SCN11A: variants seen among roughly 807,000 people sequenced by gnomAD.
The protein encoded by SCN11A is sodium channel protein type 11 subunit alpha.
In SCN11A, 122 loss-of-function variants were observed where a neutral mutation model predicts 162.2. That is an observed-to-expected ratio of 0.75 (90% CI 0.65 to 0.87). The LOEUF (loss-of-function observed/expected upper bound fraction) is 0.87, where lower values mean the gene tolerates loss of function less well. Among genes scored for constraint, SCN11A ranks in the 40% least tolerant of loss-of-function variants. The probability of loss-of-function intolerance (pLI) is 0.00; values close to 1 mark genes in which losing one functional copy is unlikely to be tolerated. For missense variants in SCN11A, 2,015 were observed against 2,181.6 expected (o/e 0.92, Z 1.52); for synonymous variants, 758 against 751.5 (o/e 1.01, Z -0.14).
chr3:38,855,050 G>T (rs538783971), intron 28 of SCN11A, among the ~76,000 whole-genome samples: 121 of 152,220 alleles, frequency 7.9e-4, no homozygotes, highest in Non-Finnish European at 1.4e-3. Flanking sequence ...AGGAGCTGCT[G>T]ACATTGTGGG....
intron 1 of SCN11A, among the ~76,000 whole-genome samples, chr3:39,032,782 A>C (rs1312987958): frequency 6.6e-6 from 1 of 152,198 alleles, no homozygotes; most frequent in Non-Finnish European, 1.5e-5. Flanking sequence ...TGCTAAGATC[A>C]TCTCATTTGA....
In SCN11A at chr3:39,045,977, C is replaced by T. The variant is rs192536284; in HGVS notation, c.-404+5884G>A. Among the ~76,000 whole-genome samples the T allele has an allele frequency of 2.5e-3, 376 of 152,188 alleles. 4 individuals are homozygous for T. The highest frequency in any genetic ancestry group is 3.9e-3 in the Non-Finnish European group (264 of 67,984). ...ATAAAATCAATATACAAAACAGTAG[C>T]GGCCAGGCACAGTGTCTCACTCCTG... On this transcript the variant is annotated intron_variant, in intron 1 of 29. Coordinates refer to ENST00000302328, the MANE Select transcript of SCN11A (RefSeq NM_001349253.2).
chr3:38,880,352 C>T (rs1247038467), intron 22 of SCN11A, among the ~76,000 whole-genome samples: 1 of 152,084 alleles, frequency 6.6e-6, no homozygotes, highest in Admixed American at 6.6e-5. Flanking sequence ...ACAATAGTTC[C>T]TCAACTGCTT....
At chr3:38,886,377 A>T (rs922563198) in intron 19 of SCN11A, 139 bp from the exon 20 acceptor site, 2 of 494,266 alleles carry the variant, frequency 4.0e-6, no homozygotes, top group African/African-American at 3.8e-5. Context: ...TCTCTTTAGA[A>T]ACTGCTCCTG....
At position 38,847,025 on chromosome 3, in the gene SCN11A, C is replaced by T; in HGVS notation, c.5045G>A (p.Cys1682Tyr). The change falls in exon 30 of 30, where the codon TGC becomes TAC. Residue 1682 changes from cysteine (C) to tyrosine (Y), a missense_variant. By Grantham distance (194) the Cys-to-Tyr change is radical. Coordinates refer to ENST00000302328, the MANE Select transcript of SCN11A (RefSeq NM_001349253.2). Reference protein sequence around the residue: ...LPMVSEDRLHCMDILFAFTAR... With the variant: ...LPMVSEDRLHYMDILFAFTAR... ...GGTGAAGGCGAAAAGAATATCCATG[C>T]AGTGGAGGCGATCTTCACTCACCAT... 7 of 1,614,058 alleles carry T rather than the reference C, an allele frequency of 4.3e-6. No homozygotes were observed. The highest frequency in any genetic ancestry group is 5.9e-6 in the Non-Finnish European group (7 of 1,180,014).
At chr3:38,873,090 A>G (rs549554689) in intron 23 of SCN11A, among the ~76,000 whole-genome samples, 6 of 152,334 alleles carry the variant, frequency 3.9e-5, no homozygotes, top group Admixed American at 3.9e-4. Flanking sequence ...AAGTATACCA[A>G]ATTAAATCTT....
chr3:38,863,115 A>G, intron 28 of SCN11A, 80 bp downstream of exon 28: 1 of 835,368 alleles, frequency 1.2e-6, no homozygotes, highest in Non-Finnish European at 2.1e-6. Flanking sequence ...AAGAATAAAG[A>G]AGGATGGCAT....
chr3:39,028,292 G>A (rs999646933), intron 2 of SCN11A, among the ~76,000 whole-genome samples: 5 of 152,176 alleles, frequency 3.3e-5, no homozygotes. Flanking sequence ...TGGCGGAGAA[G>A]GGATAGAGTT....
At chr3:38,966,426 A>G (rs1021928326) in intron 2 of SCN11A, among the ~76,000 whole-genome samples, 1 of 152,258 alleles carries the variant, frequency 6.6e-6, no homozygotes, top group Non-Finnish European at 1.5e-5. Context: ...TACAAAAAAA[A>G]GATGAAGCAA....
chr3:38,949,304 T>C (rs899885012), intron 5 of SCN11A, among the ~76,000 whole-genome samples: 18 of 152,344 alleles, frequency 1.2e-4, no homozygotes, highest in African/African-American at 4.1e-4. Context: ...AGAGCAGTCA[T>C]GTGGGAGCTC....
At chr3:38,951,455 C>CG (rs1301055363) in intron 4 of SCN11A, among the ~76,000 whole-genome samples, 2 of 152,362 alleles carry the variant, frequency 1.3e-5, no homozygotes, top group South Asian at 4.1e-4. Flanking sequence ...GGCTCCTGTG[C>CG]GGCCGGAGCC....
At chr3:38,937,915 A>G (rs2066362668) in intron 7 of SCN11A, among the ~76,000 whole-genome samples, 2 of 152,174 alleles carry the variant, frequency 1.3e-5, no homozygotes, top group African/African-American at 2.4e-5. Flanking sequence ...ATGCTGCTAT[A>G]AAGACACATG....
In SCN11A at chr3:39,051,861, C is replaced by A; in HGVS notation, c.-404G>T. 1 of 761,064 alleles carries A rather than the reference C, an allele frequency of 1.3e-6. No individual in the cohort carries two copies. The highest frequency in any genetic ancestry group is 2.2e-6 in the Non-Finnish European group (1 of 457,424). 47.1% of individuals were successfully genotyped at this position (761,064 alleles called of 1,614,324 possible). On this transcript the variant is annotated splice_region_variant and 5_prime_UTR_variant, in exon 1 of 30. Coordinates refer to ENST00000302328, the MANE Select transcript of SCN11A (RefSeq NM_001349253.2). The stretch of plus-strand genomic sequence containing the variant: ...TGGTTTTGTTTTTAGGTGCATCTAC[C>A]TCATCACATGGCTACCGGCCACACA...
intron 2 of SCN11A, among the ~76,000 whole-genome samples, chr3:39,023,059 G>A (rs568685038): frequency 9.9e-4 from 150 of 152,256 alleles, no homozygotes; most frequent in African/African-American, 3.5e-3. Flanking sequence ...TAAGGGTATT[G>A]TGGTTATGCT....
At chr3:38,940,506 A>G (rs1230838316) in intron 7 of SCN11A, among the ~76,000 whole-genome samples, 1 of 152,256 alleles carries the variant, frequency 6.6e-6, no homozygotes, top group Admixed American at 6.5e-5. Flanking sequence ...AAGAGAAAAG[A>G]AAGTCCAGAA....
rs376767836 is a variant in SCN11A at position 38,893,432 on chromosome 3, C to T, written c.2835+1101G>A. Among the ~76,000 whole-genome samples, 115 of 152,178 alleles carry T rather than the reference C, an allele frequency of 7.6e-4. 2 individuals carry two copies. Among genetic ancestry groups the T allele is most frequent in the African/African-American group, 2.7e-3 (113 of 41,524 alleles). On this transcript the variant is annotated intron_variant, in intron 19 of 29. Coordinates refer to ENST00000302328, the MANE Select transcript of SCN11A (RefSeq NM_001349253.2). ...ACAATAAACATTGGAGATCTCAATA[C>T]CTTATTTTCAGAAATGAATGAATAA...
Position 38,921,138 on chromosome 3 carries a change from C to A in SCN11A, c.830G>T (p.Gly277Val). 6.2e-7 allele frequency: 1 copy of A among 1,614,100 alleles called. No homozygotes were observed. The highest frequency in any genetic ancestry group is 2.2e-5 in the East Asian group (1 of 44,888). Residue 277 changes from glycine to valine, a missense_variant, in exon 10 of 30, where the codon GGA (glycine) becomes GTA (valine). Physicochemically the swap from Gly to Val is moderately radical, Grantham distance 109. Transcript: ENST00000302328. ...CGAGATGCATTTCAGGTTCAGACTT[C>A]CCATGAAGAGCTGCTGACCTACCAG... ...FALVGQQLFM[G>V]SLNLKCISRD... is the part of the protein sequence containing the mutation.
chr3:38,851,493 G>A (rs1216385597), intron 28 of SCN11A, among the ~76,000 whole-genome samples: 1 of 152,166 alleles, frequency 6.6e-6, no homozygotes, highest in Admixed American at 6.5e-5. Flanking sequence ...AAGTTTGCAT[G>A]CCAAGTCTAC....
At chr3:38,976,681 A>C (rs1419078862) in intron 2 of SCN11A, among the ~76,000 whole-genome samples, 2 of 152,160 alleles carry the variant, frequency 1.3e-5, no homozygotes, top group South Asian at 4.1e-4. Context: ...ACTTGATCTT[A>C]GCAGTTCTTT....
Sources: gnomAD v4.1 joint callset for allele counts (sites outside exome capture counted in the v4.1 genomes callset) on GRCh38, gnomAD v4.1.1 for gene constraint, MANE v1.5 for transcripts, NCBI Gene and HGNC (gene_info 2026-07-23, HGNC 2026-07-21) for gene names.